Variants in CCDC57 observed in about 807,000 individuals in gnomAD.
The protein encoded by CCDC57 is coiled-coil domain-containing protein 57.
Under a neutral mutation model 118.9 loss-of-function variants are expected in CCDC57, and 118 were observed. That is an observed-to-expected ratio of 0.99 (90% CI 0.86 to 1.16). The LOEUF (loss-of-function observed/expected upper bound fraction) is 1.16, where lower values mean the gene tolerates loss of function less well. Among genes scored for constraint, CCDC57 ranks in the 50% most tolerant of loss-of-function variants. The pLI is 0.00. For missense variants in CCDC57, 1,300 were observed against 1,320.7 expected (o/e 0.98, Z 0.24); for synonymous variants, 527 against 532.9 (o/e 0.99, Z 0.15).
intron 14 of CCDC57, among the ~76,000 whole-genome samples, chr17:82,161,327 G>A (rs946289067): frequency 4.6e-5 from 7 of 152,094 alleles, no homozygotes; most frequent in South Asian, 4.1e-4. Flanking sequence ...GTTAATGTCT[G>A]GGGAAAACAG....
rs182680329 is a variant in CCDC57, at chr17:82,122,429, C to A, written c.2899+5263G>T. Among the ~76,000 whole-genome samples the A allele has an allele frequency of 6.6e-5, 10 of 152,190 alleles. No homozygotes were observed. In the East Asian group the frequency reaches 1.9e-3, roughly 29 times the overall value. The stretch of plus-strand genomic sequence containing the variant: ...TCAGGCCCAGGGCAGGTGCTTGTGG[C>A]GCTCTAGGACTCGGAGGGCAGGTGC... On this transcript the variant is annotated intron_variant, in intron 19 of 19. Coordinates refer to ENST00000665763, the Ensembl canonical transcript of CCDC57.
chr17:82,175,134 G>A (rs1249297016), intron 11 of CCDC57, among the ~76,000 whole-genome samples: 1 of 152,272 alleles, frequency 6.6e-6, no homozygotes, highest in Admixed American at 6.5e-5. Flanking sequence ...TGTTCGTGAA[G>A]AATTGTAATG....
intron 10 of CCDC57, 134 bp from the exon 10 acceptor site, chr17:82,178,739 C>T (rs2045834563): frequency 3.0e-6 from 4 of 1,332,434 alleles, no homozygotes; most frequent in Middle Eastern, 4.7e-4. Context: ...GCCGCCAAAC[C>T]CTTCCTGCCC....
At chr17:82,188,088 T>G in intron 8 of CCDC57, 131 bp downstream of exon 7, 1 of 624,070 alleles carries the variant, frequency 1.6e-6, no homozygotes, top group Non-Finnish European at 2.5e-6. Context: ...GAAAAGTGAC[T>G]GAGAGCTACA....
chr17:82,103,393 A>C (rs1456614974), intron 19 of CCDC57, among the ~76,000 whole-genome samples: 1 of 151,948 alleles, frequency 6.6e-6, no homozygotes, highest in African/African-American at 2.4e-5. Context: ...CCTCCTCTTC[A>C]CACAAAGGCT....
At chr17:82,116,101 C>CCTTT (rs2035877528) in intron 19 of CCDC57, among the ~76,000 whole-genome samples, 1 of 92,614 alleles carries the variant, frequency 1.1e-5, no homozygotes, top group African/African-American at 4.5e-5. Context: ...CCGGCCACAA[C>CCTTT]CTTTTTTTTT....
At chr17:82,200,252 A>G (rs1347014870) in intron 3 of CCDC57, among the ~76,000 whole-genome samples, 3 of 152,186 alleles carry the variant, frequency 2.0e-5, no homozygotes, top group Non-Finnish European at 4.4e-5. Flanking sequence ...GGTCAGTTAA[A>G]AGGGCGTGGC....
intron 11 of CCDC57, among the ~76,000 whole-genome samples, chr17:82,177,489 A>C (rs1019335742): frequency 1.1e-4 from 16 of 152,246 alleles, no homozygotes; most frequent in Admixed American, 1.0e-3. Context: ...AGGAGATTGC[A>C]GTGAGCTGAG....
At chr17:82,141,879 C>A (rs1209017683) in intron 16 of CCDC57, among the ~76,000 whole-genome samples, 3 of 152,184 alleles carry the variant, frequency 2.0e-5, no homozygotes, top group African/African-American at 7.2e-5. Flanking sequence ...TACTGCACTT[C>A]CACTGGGTTA....
At chr17:82,199,660 C>T (rs981143645) in intron 3 of CCDC57, among the ~76,000 whole-genome samples, 4 of 152,164 alleles carry the variant, frequency 2.6e-5, no homozygotes, top group Non-Finnish European at 4.4e-5. Flanking sequence ...ACCCGCACGG[C>T]GGGCAAGTGG....
rs549600847 is a variant in CCDC57, at chr17:82,172,781, G to A, written c.1586C>T (p.Thr529Met). The A allele has an allele frequency of 1.2e-4, 195 of 1,613,324 alleles. 1 individual carries two copies. The East Asian group carries it at 3.9e-3, about 32-fold the overall frequency. Residue 529 changes from threonine (T) to methionine (M), a missense_variant, in exon 12 of 20, where the codon ACG (threonine) becomes ATG (methionine). Coordinates refer to ENST00000665763, the Ensembl canonical transcript of CCDC57. This position sits in a 1 kb window ranked among gnomAD's most constrained non-coding sequence, Gnocchi z 5.2. ...CTGGGCAATCGCGTTTCGCAAGCTCGTGTTCTGCTCTCGGAGCCGCTGGAT... is the reference window on the plus strand; with the variant it reads ...CTGGGCAATCGCGTTTCGCAAGCTCATGTTCTGCTCTCGGAGCCGCTGGAT...
chr17:82,180,715 T>G (rs969343481), intron 9 of CCDC57, among the ~76,000 whole-genome samples: 1 of 152,182 alleles, frequency 6.6e-6, no homozygotes, highest in Admixed American at 6.5e-5. Context: ...GACCTCGTGA[T>G]CCGCCCGCCT....
chr17:82,190,354 A>G (rs2047515355), intron 7 of CCDC57, among the ~76,000 whole-genome samples: 2 of 152,332 alleles, frequency 1.3e-5, no homozygotes, highest in African/African-American at 2.4e-5. Context: ...TGAGCAGAGG[A>G]AAGTCATGCA....
At position 82,195,516 on chromosome 17, in the gene CCDC57, C is replaced by A. The variant is rs1049846844; in HGVS notation, c.517-152G>T. Among the ~76,000 whole-genome samples, 1 of 151,868 alleles carries A rather than the reference C, an allele frequency of 6.6e-6. No individual in the cohort carries two copies. The highest frequency in any genetic ancestry group is 1.5e-5 in the Non-Finnish European group (1 of 67,990). On this transcript the variant is annotated intron_variant, in intron 4 of 19. Transcript: ENST00000665763. Reference sequence around the variant, plus strand: ...TGTCCAGGAGAGAAGCTGGGGTCAGCGACACTGGTAACAGCACTCTGGGAG... The same window carrying A: ...TGTCCAGGAGAGAAGCTGGGGTCAGAGACACTGGTAACAGCACTCTGGGAG...
intron 7 of CCDC57, among the ~76,000 whole-genome samples, chr17:82,190,104 C>A (rs1377189102): frequency 1.2e-5 from 1 of 80,834 alleles, no homozygotes; most frequent in East Asian, 4.5e-4. Flanking sequence ...AGAGTGACCT[C>A]TCAAGGTTCT....
chr17:82,126,997 T>C, intron 19 of CCDC57: 1 of 985,360 alleles, frequency 1.0e-6, no homozygotes, highest in Non-Finnish European at 1.2e-6. Context: ...AAGCAGCATC[T>C]GTTTCCCTCC....
chr17:82,138,401 G>T (rs902483698), intron 16 of CCDC57, among the ~76,000 whole-genome samples: 2 of 151,992 alleles, frequency 1.3e-5, no homozygotes, highest in Non-Finnish European at 2.9e-5. Context: ...ACCTGCCTCA[G>T]CCTCCCAAAG....
At chr17:82,202,750 A>G (rs1462164764) in intron 2 of CCDC57, among the ~76,000 whole-genome samples, 2 of 152,172 alleles carry the variant, frequency 1.3e-5, no homozygotes, top group Non-Finnish European at 2.9e-5. Context: ...TCTTTTCTCC[A>G]AAAAATTAAA....
At chr17:82,177,900 G>T (rs1425166686) in intron 11 of CCDC57, among the ~76,000 whole-genome samples, 1 of 152,162 alleles carries the variant, frequency 6.6e-6, no homozygotes, top group Non-Finnish European at 1.5e-5. Flanking sequence ...TCCCGTGCTG[G>T]GCCCTCTGTG....
Sources: gnomAD v4.1 joint callset for allele counts (sites outside exome capture counted in the v4.1 genomes callset) on GRCh38, gnomAD v4.1.1 for gene constraint, Gnocchi (gnomAD v3.1) non-coding constraint, MANE v1.5 for transcripts, NCBI Gene and HGNC (gene_info 2026-07-23, HGNC 2026-07-21) for gene names.